RO60: variants seen among roughly 807,000 people sequenced by gnomAD.
RO60 encodes the protein Ro60, Y RNA binding protein, also known as RNA-binding protein RO60.
RO60 carries 20 observed loss-of-function variants against 55.3 expected under a neutral mutation model. The observed-to-expected ratio is 0.36, with a 90% CI of 0.25 to 0.53. The LOEUF (loss-of-function observed/expected upper bound fraction) is 0.53. RO60 is among the 20% of genes least tolerant of loss of function. The pLI is 0.92. For missense variants in RO60, 558 were observed against 646.6 expected (o/e 0.86, Z 1.49); for synonymous variants, 213 against 213.6 (o/e 1.00, Z 0.02).
At chr1:193,083,947 G>A (rs1045574323) in intron 8 of RO60, among the ~76,000 whole-genome samples, 1 of 152,000 alleles carries the variant, frequency 6.6e-6, no homozygotes, top group Admixed American at 6.6e-5. Context: ...TACTCTGTGT[G>A]GACCTGAGCA....
chr1:193,081,847 A>G (rs1674335609), intron 6 of RO60, among the ~76,000 whole-genome samples: 1 of 152,178 alleles, frequency 6.6e-6, no homozygotes, highest in East Asian at 1.9e-4. Context: ...TCTGGGAACT[A>G]ATAGGAGTGT....
intron 3 of RO60, 131 bp from the exon 4 acceptor site, chr1:193,076,369 TC>T: frequency 1.1e-6 from 1 of 930,976 alleles, no homozygotes; most frequent in South Asian, 2.0e-5. Flanking sequence ...TAGACATTTT[TC>T]ATTCTGAAAG....
At chr1:193,084,144 C>T (rs185234761) in intron 8 of RO60, among the ~76,000 whole-genome samples, 3 of 152,296 alleles carry the variant, frequency 2.0e-5, no homozygotes, top group East Asian at 1.9e-4. Context: ...CAAGTTCTTA[C>T]GTGGAACATG....
chr1:193,071,253 C>T (rs527631523), intron 2 of RO60, among the ~76,000 whole-genome samples: 5 of 152,330 alleles, frequency 3.3e-5, no homozygotes, highest in African/African-American at 1.2e-4. Context: ...TAACAGGCCA[C>T]GGACTGGTAT....
At chr1:193,068,926 T>A (rs1673294995) in intron 1 of RO60, 108 bp from the exon 2 acceptor site, 2 of 723,286 alleles carry the variant, frequency 2.8e-6, no homozygotes, top group Non-Finnish European at 4.4e-6. Context: ...TTAAAAGATG[T>A]TTTTAAATTA....
intron 1 of RO60, chr1:193,060,042 G>A: frequency 1.5e-6 from 2 of 1,342,948 alleles, no homozygotes; most frequent in Non-Finnish European, 2.0e-6. Context: ...GCTCCTGCTT[G>A]TCGGCATCGC....
At position 193,085,985 on chromosome 1, in the gene RO60, A is replaced by G. The variant is rs1674607331; in HGVS notation, c.*1254A>G. ...CATTAAAGCAATCTGTTGAAATGCCATTATCTTTGCTCATAATTTTATTAT... is the reference window on the plus strand; with the variant it reads ...CATTAAAGCAATCTGTTGAAATGCCGTTATCTTTGCTCATAATTTTATTAT... On this transcript the variant is annotated 3_prime_UTR_variant, in exon 9 of 9. Coordinates refer to ENST00000400968, the MANE Select transcript of RO60 (RefSeq NM_001173524.2). 7.1e-6 allele frequency: 7 copies of G among 985,322 alleles called. No individual in the cohort carries two copies. Among genetic ancestry groups the G allele is most frequent in the Non-Finnish European group, 8.4e-6 (7 of 829,846 alleles). 61.0% of individuals were successfully genotyped at this position (985,322 alleles called of 1,614,324 possible).
At position 193,075,954 on chromosome 1, in the gene RO60, A is replaced by G. The variant is rs781476470; in HGVS notation, c.715A>G (p.Arg239Gly). Residue 239 changes from arginine (R) to glycine (G), a missense_variant, in exon 3 of 9, where the codon AGA becomes GGA. By Grantham distance (125) the Arg-to-Gly change is moderately radical. Coordinates refer to ENST00000400968, the MANE Select transcript of RO60 (RefSeq NM_001173524.2). ...LEAVEKVKRTRDELEVIHLIE... is the reference protein window; with the variant it reads ...LEAVEKVKRTGDELEVIHLIE... ...GGCTGTAGAGAAAGTGAAGCGCACAAGAGATGAGCTAGAAGTCATTCATCT... is the reference window on the plus strand; with the variant it reads ...GGCTGTAGAGAAAGTGAAGCGCACAGGAGATGAGCTAGAAGTCATTCATCT... 3 of 1,613,464 alleles carry G rather than the reference A, an allele frequency of 1.9e-6. No individual in the cohort carries two copies. The highest frequency in any genetic ancestry group is 3.3e-5 in the Admixed American group (2 of 59,976).
rs916665315 is a variant in RO60 at position 193,088,520 on chromosome 1, C to G, written c.*3789C>G. 3 of 152,022 alleles carry G rather than the reference C, an allele frequency of 2.0e-5. No individual in the cohort carries two copies. The highest frequency in any genetic ancestry group is 7.2e-5 in the African/African-American group (3 of 41,384). 9.4% of individuals were successfully genotyped at this position (152,022 alleles called of 1,614,324 possible). A position where few individuals can be genotyped will look rare whatever the true frequency, so the allele number is the denominator to read the frequency against. ...CTTTAAAAGCATAGTAAAGCTACAC[C>G]TAAATAACTAAAGCCTAAATCATTG... On this transcript the variant is annotated 3_prime_UTR_variant, in exon 9 of 9. Coordinates refer to ENST00000400968, the MANE Select transcript of RO60 (RefSeq NM_001173524.2).
chr1:193,076,767 T>G, intron 4 of RO60, 120 bp downstream of exon 4: 1 of 1,324,644 alleles, frequency 7.5e-7, no homozygotes, highest in Non-Finnish European at 1.0e-6. Flanking sequence ...CCAAATTGCA[T>G]TATGGCTCTT....
intron 2 of RO60, among the ~76,000 whole-genome samples, chr1:193,071,117 A>G (rs1331106471): frequency 6.6e-6 from 1 of 152,182 alleles, no homozygotes. Flanking sequence ...AGCGCAACCT[A>G]GATCCCTCAC....
intron 6 of RO60, 87 bp downstream of exon 6, chr1:193,081,567 G>T: frequency 1.4e-6 from 1 of 729,606 alleles, no homozygotes; most frequent in Non-Finnish European, 2.3e-6. Flanking sequence ...TAAGAATTAT[G>T]TTTTCACTTT....
chr1:193,067,571 A>T (rs1325432115), intron 1 of RO60, among the ~76,000 whole-genome samples: 1 of 151,912 alleles, frequency 6.6e-6, no homozygotes, highest in Non-Finnish European at 1.5e-5. Context: ...TGCTGGTTTA[A>T]GTTTTTGTTG....
rs548310494 is a variant in RO60, at chr1:193,061,034, G to A, written c.-22+1258G>A. ...GTAGAAAGACCAAACTGAAAATTTA[G>A]CCTTTGGCACAATCTAGAAGTAAGC... On this transcript the variant is annotated intron_variant, in intron 1 of 8. Transcript: ENST00000400968. 2.4e-4 allele frequency among the ~76,000 whole-genome samples: 36 copies of A among 152,250 alleles called. 1 individual carries two copies. In the South Asian group the frequency reaches 6.8e-3, roughly 29 times the overall value.
chr1:193,071,165 C>CT (rs1558240359), intron 2 of RO60, among the ~76,000 whole-genome samples: 1 of 152,170 alleles, frequency 6.6e-6, no homozygotes, highest in East Asian at 1.9e-4. Context: ...TCTTATGAGA[C>CT]TAATGCCCAG....
chr1:193,082,379 G>T (rs904488570), intron 7 of RO60, 80 bp downstream of exon 7: 3 of 1,348,170 alleles, frequency 2.2e-6, no homozygotes, highest in Admixed American at 4.3e-5. Context: ...GTCATGTATG[G>T]TATTAATCTG....
intron 1 of RO60, among the ~76,000 whole-genome samples, chr1:193,065,813 G>A (rs944942132): frequency 6.6e-6 from 1 of 152,026 alleles, no homozygotes; most frequent in Non-Finnish European, 1.5e-5. Context: ...TGAGACCTAG[G>A]CTTCCACTAA....
rs576319516 is a variant in RO60 at position 193,089,246 on chromosome 1, TTAAC to T, written c.*4517_*4520del. 3.3e-5 allele frequency: 5 copies of T among 152,196 alleles called. No individual in the cohort carries two copies. The highest frequency in any genetic ancestry group is 7.2e-5 in the African/African-American group (3 of 41,456). The allele number at this position is 152,196 out of a possible 1,614,324, so 9.4% of individuals were successfully genotyped here. The stretch of plus-strand genomic sequence containing the variant: ...TATATAAGCACTCTTAGAAAAATAA[TTAAC>T]TGATTACTCTTTCAGAAAATAGCAG... On this transcript the variant is annotated 3_prime_UTR_variant, in exon 9 of 9. Coordinates refer to ENST00000400968, the MANE Select transcript of RO60 (RefSeq NM_001173524.2).
intron 1 of RO60, 96 bp from the exon 2 acceptor site, chr1:193,068,938 A>G: frequency 2.6e-6 from 2 of 765,244 alleles, no homozygotes; most frequent in South Asian, 4.2e-5. Flanking sequence ...TTTAAATTAA[A>G]AGAGTTAATA....
Sources: gnomAD v4.1 joint callset for allele counts (sites outside exome capture counted in the v4.1 genomes callset) on GRCh38, gnomAD v4.1.1 for gene constraint, MANE v1.5 for transcripts, NCBI Gene and HGNC (gene_info 2026-07-23, HGNC 2026-07-21) for gene names.